The following ECHS1 variants were observed in gnomAD, a reference collection of about 807,000 sequenced individuals.
The protein encoded by ECHS1 is enoyl-CoA hydratase, mitochondrial.
In ECHS1, 19 loss-of-function variants were observed where a neutral mutation model predicts 33.5. The observed-to-expected ratio is 0.57, with a 90% confidence interval of 0.40 to 0.83. ECHS1 has a LOEUF of 0.83. ECHS1 is among the 40% of genes least tolerant of loss of function. The probability of loss-of-function intolerance (pLI) is 0.00; values close to 1 mark genes in which losing one functional copy is unlikely to be tolerated. For synonymous variants in ECHS1, 158 were observed against 146.6 expected, an observed-to-expected ratio of 1.08 and a Z score of -0.56; for missense variants, 365 against 381.3, an observed-to-expected ratio of 0.96 and a Z score of 0.36.
intron 7 of ECHS1, 114 bp from the exon 8 acceptor site, chr10:133,363,047 A>G: frequency 3.1e-6 from 4 of 1,277,664 alleles, no homozygotes; most frequent in Admixed American, 1.8e-5. Context: ...ACAGGGGCCC[A>G]GGGGGCCGGG....
chr10:133,363,571 G>A (rs1382112697), intron 7 of ECHS1, among the ~76,000 whole-genome samples: 1 of 152,182 alleles, frequency 6.6e-6, no homozygotes, highest in East Asian at 1.9e-4. Flanking sequence ...ATCACTTGAG[G>A]TCAGGAGTTC....
In ECHS1 at chr10:133,373,252, C is replaced by T; in HGVS notation, c.82G>A (p.Ala28Thr). 7.0e-7 allele frequency: 1 copy of T among 1,438,780 alleles called. No homozygotes were observed. The highest frequency in any genetic ancestry group is 9.1e-7 in the Non-Finnish European group (1 of 1,104,356). 89.1% of individuals were successfully genotyped at this position (1,438,780 alleles called of 1,614,324 possible). A position where few individuals can be genotyped will look rare whatever the true frequency, so the allele number is the denominator to read the frequency against. ...PVRCPAWRPF[A>T]SGANFEYIIA... ...GCTCTCACCGCGCACTCACCCGAGG[C>T]GAAGGGACGCCAGGCGGGACAGCGA... is the stretch of plus-strand genomic sequence containing the variant. The change falls in exon 1 of 8, where the codon GCC becomes ACC. Residue 28 changes from alanine to threonine, a missense_variant. Transcript: ENST00000368547.
In ECHS1 at chr10:133,366,023, C is replaced by A. The variant is rs757605949; in HGVS notation, c.692G>T (p.Ser231Ile). 14 of 1,613,894 alleles carry A rather than the reference C, an allele frequency of 8.7e-6. No homozygotes were observed. The South Asian group carries it at 1.3e-4, about 15-fold the overall frequency. ...CATCGCTACTACAATTTTAGAATTGCTGGCAATTTTTTCTGCACACTGGAT... is the reference window on the plus strand; with the variant it reads ...CATCGCTACTACAATTTTAGAATTGATGGCAATTTTTTCTGCACACTGGAT... Reference protein sequence around the residue: ...EAIQCAEKIASNSKIVVAMAK... With the variant: ...EAIQCAEKIAINSKIVVAMAK... The change falls in exon 6 of 8, where the codon AGC (serine) becomes ATC (isoleucine). Residue 231 changes from serine to isoleucine, a missense_variant. Transcript: ENST00000368547.
chr10:133,363,521 C>T (rs1307874786), intron 7 of ECHS1, among the ~76,000 whole-genome samples: 2 of 152,256 alleles, frequency 1.3e-5, no homozygotes, highest in Non-Finnish European at 2.9e-5. Context: ...CAGTGGCTCA[C>T]GCCTATAATC....
chr10:133,366,171 G>A, intron 5 of ECHS1, 76 bp from the exon 6 acceptor site: 1 of 1,545,620 alleles, frequency 6.5e-7, no homozygotes, highest in Middle Eastern at 1.7e-4. Flanking sequence ...GTGGCCGCTG[G>A]GGAGCAGCGT....
In ECHS1 at chr10:133,373,328, G is replaced by C. The variant is rs375706106; in HGVS notation, c.6C>G (p.Ala2=). 6.0e-6 allele frequency: 9 copies of C among 1,502,888 alleles called. No homozygotes were observed. The highest frequency in any genetic ancestry group is 4.3e-5 in the African/African-American group (3 of 69,190). The allele number at this position is 1,502,888 out of a possible 1,614,324, so 93.1% of individuals were successfully genotyped here. M[A]ALRVLLSCVR... Reference sequence around the variant, plus strand: ...CGCAGGACAGCAGGACACGCAGGGCGGCCATGGCTCTCTGGACTCCTCGCC... The same window carrying C: ...CGCAGGACAGCAGGACACGCAGGGCCGCCATGGCTCTCTGGACTCCTCGCC... The change falls in exon 1 of 8, where the codon GCC becomes GCG. Residue 2 remains alanine, a synonymous_variant. Transcript: ENST00000368547.
rs906664996 is a variant in ECHS1, at chr10:133,363,355, GCACACACACA to G, written c.808-432_808-423del. Among the ~76,000 whole-genome samples the G allele has an allele frequency of 2.9e-4, 42 of 145,008 alleles. 1 individual carries two copies. Among genetic ancestry groups the G allele is most frequent in the African/African-American group, 9.3e-4 (36 of 38,776 alleles). On this transcript the variant is annotated intron_variant, in intron 7 of 7. Transcript: ENST00000368547. ...CGTGTGTCCCCAGGTGTGCGCGCGC[GCACACACACA>G]CACACACACACACACACACGCATCT...
chr10:133,373,149 G>A, intron 1 of ECHS1, 97 bp downstream of exon 1: 1 of 1,002,740 alleles, frequency 1.0e-6, no homozygotes, highest in Non-Finnish European at 1.3e-6. Context: ...GGGGATGCGG[G>A]GTCAGGTGGG....
intron 2 of ECHS1, 104 bp downstream of exon 2, chr10:133,370,456 G>T: frequency 1.6e-6 from 2 of 1,241,480 alleles, no homozygotes; most frequent in South Asian, 1.7e-5. Context: ...CCAGTCGCAT[G>T]CCTCTGCCAT....
intron 1 of ECHS1, among the ~76,000 whole-genome samples, chr10:133,373,034 CGGG>C (rs1849134267): frequency 1.0e-4 from 3 of 28,970 alleles, no homozygotes; most frequent in African/African-American, 2.9e-4. Flanking sequence ...TGGGGGGGTG[CGGG>C]GTCAGGCGGG....
At chr10:133,363,380 C>CGCACACACGCATCTGT (rs56046171) in intron 7 of ECHS1, among the ~76,000 whole-genome samples, 1 of 151,198 alleles carries the variant, frequency 6.6e-6, no homozygotes. Flanking sequence ...CACACACACA[C>CGCACACACGCATCTGT]ACACGCATCT....
chr10:133,365,954 G>C lies in ECHS1; in HGVS notation c.739+22C>G, dbSNP rs6537598. The C allele has an allele frequency of 0.98, 1,588,559 of 1,613,082 alleles. 784,056 individuals are homozygous for C. The highest frequency in any genetic ancestry group is 1 in the Non-Finnish European group (1,177,667 of 1,179,856). On this transcript the variant is annotated intron_variant, in intron 6 of 7. Coordinates refer to ENST00000368547, the MANE Select transcript of ECHS1 (RefSeq NM_004092.4). ...TGACAGCCACGGAGACCTCTCCAGT[G>C]TCTTCCTGGCAGATCCCCTACCTGC...
chr10:133,367,323 C>T (rs1421932601), intron 4 of ECHS1, among the ~76,000 whole-genome samples: 1 of 145,064 alleles, frequency 6.9e-6, no homozygotes, highest in East Asian at 1.9e-4. Flanking sequence ...TGATCATGGA[C>T]ATTATCAATC....
intron 1 of ECHS1, among the ~76,000 whole-genome samples, chr10:133,371,215 T>C (rs1250548033): frequency 6.6e-6 from 1 of 152,008 alleles, no homozygotes; most frequent in Admixed American, 6.5e-5. Flanking sequence ...AGGTGGAGCT[T>C]GCAGTGAGCT....
chr10:133,371,281 AAAAAG>A (rs1354629851), intron 1 of ECHS1, among the ~76,000 whole-genome samples: 6 of 152,112 alleles, frequency 3.9e-5, no homozygotes, highest in Non-Finnish European at 5.9e-5. Context: ...CGTCTCAAAA[AAAAAG>A]AAAAGAAAAA....
At chr10:133,371,959 GC>G (rs1204021035) in intron 1 of ECHS1, among the ~76,000 whole-genome samples, 4 of 152,118 alleles carry the variant, frequency 2.6e-5, no homozygotes, top group Non-Finnish European at 5.9e-5. Context: ...ACCACACCTG[GC>G]TAATTTTTGT....
chr10:133,365,119 G>A (rs1408761679), intron 6 of ECHS1, among the ~76,000 whole-genome samples: 1 of 152,248 alleles, frequency 6.6e-6, no homozygotes, highest in Non-Finnish European at 1.5e-5. Flanking sequence ...CCGGCACCAA[G>A]AACGCCTTTG....
chr10:133,370,539 G>A (rs1322378951), intron 2 of ECHS1, 21 bp downstream of exon 2: 2 of 1,504,402 alleles, frequency 1.3e-6, no homozygotes, highest in South Asian at 1.3e-5. Flanking sequence ...CAGACACAAA[G>A]GCCTCTGCTG....
intron 7 of ECHS1, among the ~76,000 whole-genome samples, chr10:133,363,578 G>C (rs928394044): frequency 6.6e-6 from 1 of 152,214 alleles, no homozygotes; most frequent in East Asian, 1.9e-4. Flanking sequence ...GAGGTCAGGA[G>C]TTCAAGACCA....
Sources: allele counts gnomAD v4.1 joint callset (sites outside exome capture counted in the v4.1 genomes callset), GRCh38; gene constraint gnomAD v4.1.1; transcripts MANE v1.5; gene names NCBI Gene and HGNC (gene_info 2026-07-23, HGNC 2026-07-21).